ZNF732: variants seen among roughly 807,000 people sequenced by gnomAD.
ZNF732 encodes the protein zinc finger protein 732.
ZNF732 carries 12 observed loss-of-function variants against 11.5 expected under a neutral mutation model. The ratio of observed to expected loss-of-function variants is 1.05; its 90% CI spans 0.67 to 1.70. ZNF732 has a LOEUF of 1.70. ZNF732 is among the 40% of genes most tolerant of loss of function. ZNF732 has a pLI of 0.00. For synonymous variants in ZNF732, 231 were observed against 236.5 expected (o/e 0.98, Z 0.21); for missense variants, 702 against 676.9 (o/e 1.04, Z -0.41).
chr4:301,219 C>G (rs1376717798), intron 1 of ZNF732, among the ~76,000 whole-genome samples: 9 of 152,168 alleles, frequency 5.9e-5, no homozygotes, highest in Non-Finnish European at 1.2e-4. Context: ...CAGGAAACGA[C>G]AGGTGCTGGA....
chr4:287,101 A>G (rs1553840680), intron 3 of ZNF732, among the ~76,000 whole-genome samples: 1 of 152,292 alleles, frequency 6.6e-6, no homozygotes, highest in African/African-American at 2.4e-5. Context: ...CAGTGAGCCA[A>G]GATGGCGCCA....
intron 1 of ZNF732, among the ~76,000 whole-genome samples, chr4:298,239 A>C (rs1057377743): frequency 6.6e-6 from 1 of 152,168 alleles, no homozygotes; most frequent in Non-Finnish European, 1.5e-5. Flanking sequence ...GTCCTGTACA[A>C]TTTCCATCTT....
chr4:301,274 T>A (rs1190704272), intron 1 of ZNF732, among the ~76,000 whole-genome samples: 2 of 152,206 alleles, frequency 1.3e-5, no homozygotes, highest in Admixed American at 1.3e-4. Context: ...TTGGTGGGAC[T>A]GTAAACTAGT....
In ZNF732 at chr4:270,884, G is replaced by A; in HGVS notation, c.*215C>T. On this transcript the variant is annotated 3_prime_UTR_variant, in exon 4 of 4. Coordinates refer to ENST00000419098, the MANE Select transcript of ZNF732 (RefSeq NM_001137608.3). Reference sequence around the variant, plus strand: ...TCTCCAGCATCAATTTTCTTATGTTGATTCAGGTATGCGGACTGTTTGAAG... The same window carrying A: ...TCTCCAGCATCAATTTTCTTATGTTAATTCAGGTATGCGGACTGTTTGAAG... 1.5e-6 allele frequency: 1 copy of A among 656,052 alleles called. No homozygotes were observed. Among genetic ancestry groups the A allele is most frequent in the Non-Finnish European group, 2.8e-6 (1 of 354,442 alleles). The allele number at this position is 656,052 out of a possible 1,614,324, so 40.6% of individuals were successfully genotyped here. A position where few individuals can be genotyped will look rare whatever the true frequency, so the allele number is the denominator to read the frequency against.
chr4:294,082 A>G (rs2108658911), intron 3 of ZNF732, among the ~76,000 whole-genome samples: 1 of 152,264 alleles, frequency 6.6e-6, no homozygotes, highest in East Asian at 1.9e-4. Context: ...GCTCAGTGCA[A>G]CCTCTGCCTC....
At chr4:295,167 A>C (rs1184023709) in intron 3 of ZNF732, among the ~76,000 whole-genome samples, 1 of 152,248 alleles carries the variant, frequency 6.6e-6, no homozygotes, top group African/African-American at 2.4e-5. Flanking sequence ...ATGGAACAGC[A>C]GTCAGATCAT....
intron 1 of ZNF732, among the ~76,000 whole-genome samples, chr4:304,063 T>C (rs1405372378): frequency 6.6e-6 from 1 of 151,860 alleles, no homozygotes; most frequent in Non-Finnish European, 1.5e-5. Flanking sequence ...ATAGATCCAG[T>C]GTCTGGGGTT....
At position 272,258 on chromosome 4, in the gene ZNF732, C is replaced by T. The variant is rs61730554; in HGVS notation, c.599G>A (p.Cys200Tyr). The stretch of plus-strand genomic sequence containing the variant: ...TAAATACCATTTAAAGTCTTTGCCA[C>T]ATTCTTCACATGTGTAGGGTTTCTC... ...AGEKPYTCEE[C>Y]GKDFKWYLIF... The change falls in exon 4 of 4, where the codon TGT becomes TAT. Residue 200 changes from cysteine to tyrosine, a missense_variant. This residue lies in a region of ZNF732 where 596 missense variants were observed against 557.9 expected (regional missense o/e 1.07). Coordinates refer to ENST00000419098, the MANE Select transcript of ZNF732 (RefSeq NM_001137608.3). The T allele has an allele frequency of 1.2e-6, 2 of 1,613,120 alleles. No homozygotes were observed.
At chr4:287,091 C>A (rs1719746553) in intron 3 of ZNF732, among the ~76,000 whole-genome samples, 1 of 152,072 alleles carries the variant, frequency 6.6e-6, no homozygotes, top group South Asian at 2.1e-4. Flanking sequence ...GCGAAGCTTG[C>A]AGTGAGCCAA....
At chr4:281,315 G>C (rs1440270142) in intron 3 of ZNF732, among the ~76,000 whole-genome samples, 4 of 152,200 alleles carry the variant, frequency 2.6e-5, no homozygotes, top group Admixed American at 1.3e-4. Flanking sequence ...GCAGCCGCAT[G>C]AATCAGTTTC....
chr4:296,146 T>C lies in ZNF732; in HGVS notation c.13A>G (p.Thr5Ala). MELL[T>A]FRDVAIEFSP... ...AATTCTATGGCCACATCCCTGAATG[T>C]TAAGAGTTCCTGAAAATATATATGT... The change falls in exon 2 of 4, where the codon ACA (threonine) becomes GCA (alanine). Residue 5 changes from threonine (T) to alanine (A), a missense_variant. Physicochemically the swap from Thr to Ala is moderately conservative, Grantham distance 58. Around this residue, in one of 3 missense-constraint regions of ZNF732, gnomAD observed 596 missense variants for 557.9 expected, o/e 1.07. Coordinates refer to ENST00000419098, the MANE Select transcript of ZNF732 (RefSeq NM_001137608.3). 1 of 1,611,266 alleles carries C rather than the reference T, an allele frequency of 6.2e-7. No homozygotes were observed. The highest frequency in any genetic ancestry group is 8.5e-7 in the Non-Finnish European group (1 of 1,179,398).
chr4:294,314 C>T (rs1395338521), intron 3 of ZNF732, among the ~76,000 whole-genome samples: 2 of 152,164 alleles, frequency 1.3e-5, no homozygotes, highest in African/African-American at 2.4e-5. Flanking sequence ...AATACGCTTT[C>T]TAAAATGATA....
At chr4:296,823 C>T (rs1387354645) in intron 1 of ZNF732, among the ~76,000 whole-genome samples, 1 of 152,134 alleles carries the variant, frequency 6.6e-6, no homozygotes, top group Non-Finnish European at 1.5e-5. Flanking sequence ...AGCATAGAGT[C>T]CCTTACCCCA....
At chr4:286,847 C>A (rs1298767498) in intron 3 of ZNF732, among the ~76,000 whole-genome samples, 3 of 152,166 alleles carry the variant, frequency 2.0e-5, no homozygotes, top group African/African-American at 7.2e-5. Context: ...TCCTTTCAGA[C>A]CACATGGAAT....
At chr4:293,279 T>C (rs1553841655) in intron 3 of ZNF732, among the ~76,000 whole-genome samples, 1 of 143,846 alleles carries the variant, frequency 7.0e-6, no homozygotes, top group Non-Finnish European at 1.5e-5. Flanking sequence ...TATATATGTA[T>C]GTGTATATAT....
chr4:299,285 T>C (rs1359990492), intron 1 of ZNF732, among the ~76,000 whole-genome samples: 1 of 150,932 alleles, frequency 6.6e-6, no homozygotes, highest in Admixed American at 6.6e-5. Flanking sequence ...AACTTGAAGA[T>C]GCAACACTGG....
In ZNF732 at chr4:270,973, G is replaced by T; in HGVS notation, c.*126C>A. 2.3e-6 allele frequency: 2 copies of T among 858,176 alleles called. No individual in the cohort carries two copies. Among genetic ancestry groups the T allele is most frequent in the Non-Finnish European group, 3.7e-6 (2 of 534,170 alleles). The allele number at this position is 858,176 out of a possible 1,614,324, so 53.2% of individuals were successfully genotyped here. A position where few individuals can be genotyped will look rare whatever the true frequency, so the allele number is the denominator to read the frequency against. ...AGTATGAATTCTTACTTTCATTCAG[G>T]GTTGTGGACCATCCAAAAGCTTTGC... On this transcript the variant is annotated 3_prime_UTR_variant, in exon 4 of 4. Coordinates refer to ENST00000419098, the MANE Select transcript of ZNF732 (RefSeq NM_001137608.3).
At position 270,681 on chromosome 4, in the gene ZNF732, G is replaced by T. The variant is rs1016765004; in HGVS notation, c.*418C>A. 3 of 385,172 alleles carry T rather than the reference G, an allele frequency of 7.8e-6. No homozygotes were observed. Among genetic ancestry groups the T allele is most frequent in the Middle Eastern group, 7.6e-4 (2 of 2,648 alleles). 23.9% of individuals were successfully genotyped at this position (385,172 alleles called of 1,614,324 possible). On this transcript the variant is annotated 3_prime_UTR_variant, in exon 4 of 4. Transcript: ENST00000419098. ...TGACTTTGCCAGATTCCTTACATTT[G>T]TAGGTGTTCTCTCCATTATGAATTT... is the stretch of plus-strand genomic sequence containing the variant.
chr4:301,306 G>A (rs1300227906), intron 1 of ZNF732, among the ~76,000 whole-genome samples: 7 of 152,194 alleles, frequency 4.6e-5, no homozygotes, highest in African/African-American at 1.7e-4. Context: ...GGAAGACAGT[G>A]TGGCGATTCC....
Sources: allele counts gnomAD v4.1 joint callset (sites outside exome capture counted in the v4.1 genomes callset), GRCh38; gene constraint gnomAD v4.1.1; regional missense constraint gnomAD v4.1.1; transcripts MANE v1.5; gene names NCBI Gene and HGNC (gene_info 2026-07-23, HGNC 2026-07-21).